The following TAFA4 variants were observed in gnomAD, a reference collection of about 807,000 sequenced individuals.
TAFA4 encodes the protein chemokine-like protein TAFA-4.
A neutral mutation model predicts 21.1 loss-of-function variants in TAFA4; 20 were observed. The observed-to-expected ratio is 0.95, with a 90% CI of 0.67 to 1.38. The LOEUF is 1.38. Ranked by LOEUF, TAFA4 falls within the 40% of genes most tolerant of loss-of-function variation. The probability of loss-of-function intolerance (pLI) is 0.00; values close to 1 mark genes in which losing one functional copy is unlikely to be tolerated. For missense variants in TAFA4, 211 were observed against 180.9 expected (o/e 1.17, Z -0.95); for synonymous variants, 71 against 67.4 (o/e 1.05, Z -0.26).
intron 3 of TAFA4, among the ~76,000 whole-genome samples, chr3:68,843,347 T>A (rs1204337600): frequency 9.9e-5 from 15 of 152,196 alleles, no homozygotes; most frequent in Admixed American, 9.8e-4. Flanking sequence ...TGGTGTATAG[T>A]AATGCCTGTG....
At chr3:68,797,193 T>C (rs1406079080) in intron 3 of TAFA4, among the ~76,000 whole-genome samples, 1 of 152,172 alleles carries the variant, frequency 6.6e-6, no homozygotes, top group African/African-American at 2.4e-5. Context: ...CAGATATTTG[T>C]ACAGCCGTAT....
chr3:68,922,777 TC>T (rs1319052610), intron 1 of TAFA4, among the ~76,000 whole-genome samples: 2 of 152,238 alleles, frequency 1.3e-5, no homozygotes, highest in African/African-American at 4.8e-5. Flanking sequence ...AGGAATTTTT[TC>T]CTTTCCTGAT....
chr3:68,806,135 A>G (rs1255754393), intron 3 of TAFA4, among the ~76,000 whole-genome samples: 1 of 152,184 alleles, frequency 6.6e-6, no homozygotes, highest in Non-Finnish European at 1.5e-5. Context: ...TATGCCAAGG[A>G]CTTGGGCAGT....
chr3:68,888,970 G>C (rs1202681044), intron 1 of TAFA4, among the ~76,000 whole-genome samples: 3 of 152,168 alleles, frequency 2.0e-5, no homozygotes, highest in African/African-American at 7.2e-5. Flanking sequence ...GTACATTCAA[G>C]ATCGATAACT....
At chr3:68,862,249 A>G (rs2089354749) in intron 3 of TAFA4, among the ~76,000 whole-genome samples, 1 of 152,144 alleles carries the variant, frequency 6.6e-6, no homozygotes. Flanking sequence ...TTTTTATGCC[A>G]TGGTGAAACC....
At chr3:68,923,910 A>G (rs981599334) in intron 1 of TAFA4, among the ~76,000 whole-genome samples, 3 of 152,238 alleles carry the variant, frequency 2.0e-5, no homozygotes, top group African/African-American at 7.2e-5. Flanking sequence ...ACAAACTACC[A>G]GTGTGGCTTC....
At chr3:68,827,507 G>A (rs1407077143) in intron 3 of TAFA4, among the ~76,000 whole-genome samples, 1 of 152,186 alleles carries the variant, frequency 6.6e-6, no homozygotes, top group Non-Finnish European at 1.5e-5. Context: ...CGCCAACAGT[G>A]TAAAAGCCTT....
intron 3 of TAFA4, among the ~76,000 whole-genome samples, chr3:68,839,511 G>T (rs1052702376): frequency 6.6e-6 from 1 of 152,198 alleles, no homozygotes; most frequent in Admixed American, 6.5e-5. Context: ...CTGACTACAT[G>T]ATGTAAATGA....
intron 3 of TAFA4, among the ~76,000 whole-genome samples, chr3:68,805,056 T>C (rs897231196): frequency 2.0e-5 from 3 of 152,192 alleles, no homozygotes; most frequent in Non-Finnish European, 4.4e-5. Context: ...CCTACTCATC[T>C]GACAAAGGGC....
At chr3:68,815,076 T>C (rs141742972) in intron 3 of TAFA4, among the ~76,000 whole-genome samples, 54,967 of 152,078 alleles carry the variant, frequency 0.36, 10,886 homozygotes, top group Non-Finnish European at 0.45. Context: ...GGATTCTCTA[T>C]TTAATAAATG....
intron 3 of TAFA4, among the ~76,000 whole-genome samples, chr3:68,837,669 C>G (rs1252659719): frequency 2.0e-5 from 3 of 152,126 alleles, no homozygotes; most frequent in Non-Finnish European, 4.4e-5. Context: ...CCTAGGATAT[C>G]ACTTTAGAAA....
At chr3:68,830,760 G>A (rs143031123) in intron 3 of TAFA4, among the ~76,000 whole-genome samples, 205 of 152,210 alleles carry the variant, frequency 1.3e-3, no homozygotes, top group African/African-American at 4.5e-3. Flanking sequence ...TTTCTGTCTC[G>A]TTGATCTGTC....
intron 3 of TAFA4, among the ~76,000 whole-genome samples, chr3:68,812,319 T>C (rs554158026): frequency 6.6e-6 from 1 of 152,210 alleles, no homozygotes; most frequent in South Asian, 2.1e-4. Context: ...AATTCACACA[T>C]AACAATATTA....
intron 4 of TAFA4, among the ~76,000 whole-genome samples, chr3:68,751,347 C>T (rs151303018): frequency 0.015 from 2,110 of 137,238 alleles, 20 homozygotes; most frequent in Non-Finnish European, 0.023. Flanking sequence ...GGACTGAAAG[C>T]GGAAGGAGAG....
intron 1 of TAFA4, among the ~76,000 whole-genome samples, chr3:68,914,885 G>T (rs1431731326): frequency 6.6e-6 from 1 of 152,092 alleles, no homozygotes; most frequent in Non-Finnish European, 1.5e-5. Flanking sequence ...AGTATTTATT[G>T]ATACATGAAA....
intron 1 of TAFA4, among the ~76,000 whole-genome samples, chr3:68,919,511 T>A (rs984648133): frequency 2.0e-5 from 3 of 152,202 alleles, no homozygotes; most frequent in Non-Finnish European, 4.4e-5. Flanking sequence ...TGATGATGCA[T>A]ACCTTGCACC....
chr3:68,796,043 T>G (rs531497507), intron 3 of TAFA4, among the ~76,000 whole-genome samples: 4 of 152,210 alleles, frequency 2.6e-5, no homozygotes. Context: ...CTTCCCTTAC[T>G]TTCTCCCAAA....
chr3:68,746,069 G>T (rs1702451441), intron 4 of TAFA4, among the ~76,000 whole-genome samples: 1 of 152,162 alleles, frequency 6.6e-6, no homozygotes, highest in Non-Finnish European at 1.5e-5. Context: ...TCCCGTGCTG[G>T]ATGCTTCCTG....
At chr3:68,800,454 C>A (rs1010474340) in intron 3 of TAFA4, among the ~76,000 whole-genome samples, 13 of 152,198 alleles carry the variant, frequency 8.5e-5, no homozygotes, top group African/African-American at 2.7e-4. Flanking sequence ...GTATAAAACA[C>A]ATTTTCTTAC....
Sources: allele counts gnomAD v4.1 joint callset (sites outside exome capture counted in the v4.1 genomes callset), GRCh38; gene constraint gnomAD v4.1.1; transcripts MANE v1.5; gene names NCBI Gene and HGNC (gene_info 2026-07-23, HGNC 2026-07-21).